The following ARID5A variants were observed in gnomAD, a reference collection of about 807,000 sequenced individuals.
ARID5A encodes the protein AT-rich interaction domain 5A.
A neutral mutation model predicts 30.5 loss-of-function variants in ARID5A; 14 were observed. The ratio of observed to expected loss-of-function variants is 0.46; its 90% CI spans 0.30 to 0.72. The LOEUF is 0.72. Ranked by LOEUF, ARID5A falls within the 30% of genes least tolerant of loss-of-function variation. The pLI is 0.07. For synonymous variants in ARID5A, 338 were observed against 340.4 expected (o/e 0.99, Z 0.08); for missense variants, 669 against 786.2 (o/e 0.85, Z 1.78).
chr2:96,544,555 A>G (rs2065895166), intron 1 of ARID5A, among the ~76,000 whole-genome samples: 1 of 152,250 alleles, frequency 6.6e-6, no homozygotes, highest in Non-Finnish European at 1.5e-5. Context: ...TGTTTATAAC[A>G]TGGTTTACTG....
rs2065994571 is a variant in ARID5A, at chr2:96,549,837, C to T, written c.312+32C>T. ...AAGGCACCTCCCAGTCCTTGCCAAA[C>T]TGCATATCCCTGGGGTGAGCCTGCA... On this transcript the variant is annotated intron_variant, in intron 4 of 6. Coordinates refer to ENST00000357485, the MANE Select transcript of ARID5A (RefSeq NM_212481.3). The surrounding 1 kb of genome is among the most constrained non-coding windows in gnomAD (Gnocchi z 6.1). The T allele has an allele frequency of 6.2e-7, 1 of 1,603,292 alleles. No homozygotes were observed. The highest frequency in any genetic ancestry group is 1.7e-5 in the Admixed American group (1 of 59,268).
chr2:96,541,466 A>C (rs1026354504), intron 1 of ARID5A, among the ~76,000 whole-genome samples: 2 of 152,226 alleles, frequency 1.3e-5, no homozygotes, highest in African/African-American at 4.8e-5. Flanking sequence ...CTAGCATCCC[A>C]CTGTGGATGA....
At chr2:96,542,051 T>C (rs2065855621) in intron 1 of ARID5A, among the ~76,000 whole-genome samples, 1 of 152,220 alleles carries the variant, frequency 6.6e-6, no homozygotes, top group Non-Finnish European at 1.5e-5. Flanking sequence ...CTCCCAACGC[T>C]GGACCTGCAT....
At chr2:96,541,653 G>C (rs1340036658) in intron 1 of ARID5A, among the ~76,000 whole-genome samples, 3 of 152,244 alleles carry the variant, frequency 2.0e-5, no homozygotes, top group Non-Finnish European at 2.9e-5. Flanking sequence ...ATAGATTCCA[G>C]ATGTGTTACA....
chr2:96,542,413 AAC>A (rs1277496267), intron 1 of ARID5A, among the ~76,000 whole-genome samples: 1 of 152,184 alleles, frequency 6.6e-6, no homozygotes, highest in Non-Finnish European at 1.5e-5. Flanking sequence ...TCTGGGGTTA[AAC>A]AGCTCGGATT....
At chr2:96,541,704 G>A (rs2065848248) in intron 1 of ARID5A, among the ~76,000 whole-genome samples, 1 of 152,196 alleles carries the variant, frequency 6.6e-6, no homozygotes, top group African/African-American at 2.4e-5. Flanking sequence ...CATCATTATT[G>A]CTTGCTGGAT....
Position 96,536,776 on chromosome 2 carries a change from C to G in ARID5A, c.-51C>G, listed in dbSNP as rs934608036. The G allele has an allele frequency of 1.6e-6, 2 of 1,225,796 alleles. No individual in the cohort carries two copies. The highest frequency in any genetic ancestry group is 6.4e-5 in the East Asian group (2 of 31,374). The allele number at this position is 1,225,796 out of a possible 1,614,324, so 75.9% of individuals were successfully genotyped here. Reference sequence around the variant, plus strand: ...TATCTCAGAGAGCGCGGGGTCCGGACAGCCGCGCGCTGAGGGTCTCGGGGC... The same window carrying G: ...TATCTCAGAGAGCGCGGGGTCCGGAGAGCCGCGCGCTGAGGGTCTCGGGGC... On this transcript the variant is annotated 5_prime_UTR_variant, in exon 1 of 7. Coordinates refer to ENST00000357485, the MANE Select transcript of ARID5A (RefSeq NM_212481.3).
rs185608880 is a variant in ARID5A at position 96,541,765 on chromosome 2, T to C, written c.4+4935T>C. ...TTCTTATGGAGAGCAGTTTTCTTTT[T>C]TGCATTTGATCCCCCACTTCTGTTA... is the stretch of plus-strand genomic sequence containing the variant. On this transcript the variant is annotated intron_variant, in intron 1 of 6. Transcript: ENST00000357485. 1.6e-4 allele frequency among the ~76,000 whole-genome samples: 24 copies of C among 152,354 alleles called. No homozygotes were observed. The East Asian group carries it at 4.6e-3, about 29-fold the overall frequency.
Position 96,550,114 on chromosome 2 carries a change from G to A in ARID5A, c.313-74G>A, listed in dbSNP as rs1333734981. ...ACTGCAGTCCTTCGAGTCCCTGCGAGGGCGGCCGGAGCTGCAAGGACCCCG... is the reference window on the plus strand; with the variant it reads ...ACTGCAGTCCTTCGAGTCCCTGCGAAGGCGGCCGGAGCTGCAAGGACCCCG... On this transcript the variant is annotated intron_variant, in intron 4 of 6. Coordinates refer to ENST00000357485, the MANE Select transcript of ARID5A (RefSeq NM_212481.3). This position sits in a 1 kb window ranked among gnomAD's most constrained non-coding sequence, Gnocchi z 6.6. The A allele has an allele frequency of 5.2e-6, 8 of 1,531,660 alleles. No homozygotes were observed. In the African/African-American group the frequency reaches 1.1e-4, roughly 21 times the overall value. 94.9% of individuals were successfully genotyped at this position (1,531,660 alleles called of 1,614,324 possible).
At chr2:96,542,344 C>T (rs966481105) in intron 1 of ARID5A, among the ~76,000 whole-genome samples, 1 of 152,238 alleles carries the variant, frequency 6.6e-6, no homozygotes, top group African/African-American at 2.4e-5. Context: ...CTCAGCTGGA[C>T]ACAGAGATAG....
intron 2 of ARID5A, among the ~76,000 whole-genome samples, chr2:96,548,286 TAGAC>T (rs1006154641): frequency 8.0e-5 from 12 of 150,638 alleles, no homozygotes; most frequent in Middle Eastern, 3.4e-3. Flanking sequence ...TTTTTTTTTT[TAGAC>T]AGAGTCTCAC....
rs1461846249 is a variant in ARID5A, at chr2:96,539,900, T to C, written c.4+3070T>C. Among the ~76,000 whole-genome samples the C allele has an allele frequency of 6.6e-6, 1 of 152,150 alleles. No homozygotes were observed. Among genetic ancestry groups the C allele is most frequent in the Non-Finnish European group, 1.5e-5 (1 of 68,020 alleles). On this transcript the variant is annotated intron_variant, in intron 1 of 6. Transcript: ENST00000357485. This position sits in a 1 kb window ranked among gnomAD's most constrained non-coding sequence, Gnocchi z 4.7. Reference sequence around the variant, plus strand: ...CAAGTTTGCATCCTCTGAGCACAGATAAGGAACTTGAGGTCTCCCTGCTCC... The same window carrying C: ...CAAGTTTGCATCCTCTGAGCACAGACAAGGAACTTGAGGTCTCCCTGCTCC...
Position 96,551,921 on chromosome 2 carries a change from T to C in ARID5A, c.1393T>C (p.Phe465Leu). Residue 465 changes from phenylalanine (F) to leucine (L), a missense_variant, in exon 7 of 7, where the codon TTT (phenylalanine) becomes CTT (leucine). Phe to Leu is a conservative substitution (Grantham distance 22). Coordinates refer to ENST00000357485, the MANE Select transcript of ARID5A (RefSeq NM_212481.3). Reference protein sequence around the residue: ...SGKRLRAVSPFLKEADAKKCG... With the variant: ...SGKRLRAVSPLLKEADAKKCG... ...GAAGAGACTGCGGGCCGTGTCTCCC[T>C]TTCTTAAGGAGGCGGATGCCAAGAA... 6.5e-7 allele frequency: 1 copy of C among 1,527,222 alleles called. No individual in the cohort carries two copies. The highest frequency in any genetic ancestry group is 8.8e-7 in the Non-Finnish European group (1 of 1,138,242). The allele number at this position is 1,527,222 out of a possible 1,614,324, so 94.6% of individuals were successfully genotyped here.
At chr2:96,541,392 A>G (rs2065843718) in intron 1 of ARID5A, among the ~76,000 whole-genome samples, 1 of 152,236 alleles carries the variant, frequency 6.6e-6, no homozygotes, top group Non-Finnish European at 1.5e-5. Context: ...ATATTGGGCA[A>G]CTTGCCCTCT....
At chr2:96,540,093 G>C (rs867320657) in intron 1 of ARID5A, among the ~76,000 whole-genome samples, 3 of 152,214 alleles carry the variant, frequency 2.0e-5, no homozygotes, top group Non-Finnish European at 4.4e-5. Context: ...GGATGGCTGG[G>C]AAGATTCAGC....
Position 96,539,059 on chromosome 2 carries a change from C to T in ARID5A, c.4+2229C>T, listed in dbSNP as rs975658395. Among the ~76,000 whole-genome samples the T allele has an allele frequency of 4.6e-5, 7 of 152,170 alleles. No individual in the cohort carries two copies. The highest frequency in any genetic ancestry group is 2.1e-4 in the South Asian group (1 of 4,830). On this transcript the variant is annotated intron_variant, in intron 1 of 6. Coordinates refer to ENST00000357485, the MANE Select transcript of ARID5A (RefSeq NM_212481.3). This position sits in a 1 kb window ranked among gnomAD's most constrained non-coding sequence, Gnocchi z 4.7. ...TGTTTCCGGAGCACCTGCTGGGCAGCGAGGTGCCTTGGGGAGGGAGCAGGA... is the reference window on the plus strand; with the variant it reads ...TGTTTCCGGAGCACCTGCTGGGCAGTGAGGTGCCTTGGGGAGGGAGCAGGA...
In ARID5A at chr2:96,551,151, G is replaced by A. The variant is rs769172012; in HGVS notation, c.623G>A (p.Ser208Asn). 5.6e-6 allele frequency: 9 copies of A among 1,613,662 alleles called. No homozygotes were observed. The highest frequency in any genetic ancestry group is 2.2e-5 in the South Asian group (2 of 91,088). ...ADAADPAPLPSQEPPRNSTEQ... is the reference protein window; with the variant it reads ...ADAADPAPLPNQEPPRNSTEQ... ...GCTGCTGACCCAGCACCACTTCCCA[G>A]CCAGGAGCCCCCCAGGAACAGCACA... is the stretch of plus-strand genomic sequence containing the variant. Residue 208 changes from serine to asparagine, a missense_variant, in exon 7 of 7, where the codon AGC (serine) becomes AAC (asparagine). This residue lies in a region of ARID5A where 548 missense variants were observed against 577.4 expected (regional missense o/e 0.95). Transcript: ENST00000357485.
intron 1 of ARID5A, among the ~76,000 whole-genome samples, chr2:96,544,649 G>C (rs920249129): frequency 6.6e-6 from 1 of 152,188 alleles, no homozygotes; most frequent in Admixed American, 6.5e-5. Context: ...CAAGGCAACC[G>C]GTCATGCAAG....
Position 96,551,908 on chromosome 2 carries a change from G to A in ARID5A, c.1380G>A (p.Arg460=). Residue 460 remains arginine, a synonymous_variant, in exon 7 of 7, where the codon CGG becomes CGA. Transcript: ENST00000357485. ...CTGCCCACAGTGGGAAGAGACTGCGGGCCGTGTCTCCCTTTCTTAAGGAGG... is the reference window on the plus strand; with the variant it reads ...CTGCCCACAGTGGGAAGAGACTGCGAGCCGTGTCTCCCTTTCTTAAGGAGG... The part of the protein sequence containing the change: ...EGAAHSGKRL[R]AVSPFLKEAD... The A allele has an allele frequency of 6.5e-7, 1 of 1,537,562 alleles. No homozygotes were observed. Among genetic ancestry groups the A allele is most frequent in the Non-Finnish European group, 8.7e-7 (1 of 1,144,396 alleles).
Sources: allele counts gnomAD v4.1 joint callset (sites outside exome capture counted in the v4.1 genomes callset), GRCh38; gene constraint gnomAD v4.1.1; regional missense constraint gnomAD v4.1.1; non-coding constraint Gnocchi (gnomAD v3.1); transcripts MANE v1.5; gene names NCBI Gene and HGNC (gene_info 2026-07-23, HGNC 2026-07-21).